The following ARHGEF12 variants were observed in gnomAD, a reference collection of about 807,000 sequenced individuals.
ARHGEF12 encodes the protein Rho guanine nucleotide exchange factor 12, also known as KMT2A/ARHGEF12 fusion protein.
In ARHGEF12, 66 loss-of-function variants were observed where a neutral mutation model predicts 211.2. The observed-to-expected ratio is 0.31, with a 90% CI of 0.26 to 0.38. The LOEUF is 0.38. Among genes scored for constraint, ARHGEF12 ranks in the 10% least tolerant of loss-of-function variants. The pLI is 1.00. For missense variants in ARHGEF12, 1,429 were observed against 1,869.5 expected (o/e 0.76, Z 4.34); for synonymous variants, 592 against 638.4 (o/e 0.93, Z 1.09).
At chr11:120,391,283 G>A (rs751034660) in intron 1 of ARHGEF12, among the ~76,000 whole-genome samples, 3 of 152,096 alleles carry the variant, frequency 2.0e-5, no homozygotes, top group Non-Finnish European at 4.4e-5. Flanking sequence ...TTTCTAATAA[G>A]AATTAAGAAA....
chr11:120,446,458 T>A lies in ARHGEF12; in HGVS notation c.1401T>A (p.Thr467=), dbSNP rs1346404173. The change falls in exon 17 of 41, where the codon ACT becomes ACA. Residue 467 remains threonine, a synonymous_variant. Coordinates refer to ENST00000397843, the MANE Select transcript of ARHGEF12 (RefSeq NM_015313.3). ...PEDLHRHYIQ[T]MQERVHPEVQ... is the part of the protein sequence containing the mutation. ...ATCTGCATCGCCACTATATCCAAAC[T>A]ATGCAAGAAAGAGTCCATCCAGAAG... 6.2e-7 allele frequency: 1 copy of A among 1,613,462 alleles called. No individual in the cohort carries two copies. Among genetic ancestry groups the A allele is most frequent in the African/African-American group, 1.3e-5 (1 of 74,998 alleles).
chr11:120,451,359 A>T, intron 21 of ARHGEF12, 153 bp from the exon 22 acceptor site: 1 of 612,854 alleles, frequency 1.6e-6, no homozygotes. Flanking sequence ...TTGTATTTTT[A>T]ATAGAGACGG....
At chr11:120,484,616 T>C (rs951820724) in intron 40 of ARHGEF12, 109 bp downstream of exon 40, 1 of 1,010,018 alleles carries the variant, frequency 9.9e-7, no homozygotes, top group Non-Finnish European at 1.5e-6. Context: ...TTCTCTTCTG[T>C]CTTTAAAGAA....
chr11:120,383,596 G>A (rs1316090098), intron 1 of ARHGEF12, among the ~76,000 whole-genome samples: 2 of 152,106 alleles, frequency 1.3e-5, no homozygotes, highest in Non-Finnish European at 2.9e-5. Flanking sequence ...CCTCTCATGT[G>A]CAGTTCGCTA....
At chr11:120,424,306 C>G (rs1282009935) in intron 6 of ARHGEF12, 52 bp from the exon 7 acceptor site, 5 of 1,270,924 alleles carry the variant, frequency 3.9e-6, no homozygotes, top group Non-Finnish European at 5.7e-6. Flanking sequence ...GTCATTTTAT[C>G]CATTGTCTCA....
At chr11:120,448,370 A>G in intron 20 of ARHGEF12, 22 bp downstream of exon 20, 3 of 1,580,184 alleles carry the variant, frequency 1.9e-6, no homozygotes, top group Non-Finnish European at 2.6e-6. Flanking sequence ...ATAATGTAAT[A>G]GCATGTTCAG....
intron 39 of ARHGEF12, among the ~76,000 whole-genome samples, chr11:120,483,872 C>G (rs1947327936): frequency 6.6e-6 from 1 of 152,180 alleles, no homozygotes. Context: ...CCTCGGCCTC[C>G]CAAAGTGTTG....
At chr11:120,399,348 A>AAAAAAAAAAAAG in intron 1 of ARHGEF12, among the ~76,000 whole-genome samples, 1 of 149,142 alleles carries the variant, frequency 6.7e-6, no homozygotes, top group South Asian at 2.2e-4. Flanking sequence ...AAAAAAAAAA[A>AAAAAAAAAAAAG]AAAGAAAAGA....
rs183105037 is a variant in ARHGEF12, at chr11:120,479,705, G to A, written c.3767-255G>A. 7.2e-4 allele frequency among the ~76,000 whole-genome samples: 110 copies of A among 152,256 alleles called. 1 individual carries two copies. The highest frequency in any genetic ancestry group is 1.2e-3 in the Non-Finnish European group (82 of 68,028). On this transcript the variant is annotated intron_variant, in intron 37 of 40. Transcript: ENST00000397843. ...ATAGTAGTATCTCCCTATTCAGAATGCTTAGATCTTTTCAAGTTTAGTTTA... is the reference window on the plus strand; with the variant it reads ...ATAGTAGTATCTCCCTATTCAGAATACTTAGATCTTTTCAAGTTTAGTTTA...
chr11:120,429,853 C>T, intron 10 of ARHGEF12, 22 bp downstream of exon 10: 1 of 1,581,382 alleles, frequency 6.3e-7, no homozygotes, highest in Non-Finnish European at 8.6e-7. Flanking sequence ...ATTACAAGTG[C>T]TACCCAACTT....
chr11:120,419,314 G>T (rs970454079), intron 4 of ARHGEF12, among the ~76,000 whole-genome samples: 1 of 149,604 alleles, frequency 6.7e-6, no homozygotes, highest in Admixed American at 6.6e-5. Context: ...AGTTTCCTAG[G>T]TTTTTTTTCT....
At chr11:120,341,133 C>T (rs1460876368) in intron 1 of ARHGEF12, among the ~76,000 whole-genome samples, 1 of 152,182 alleles carries the variant, frequency 6.6e-6, no homozygotes, top group African/African-American at 2.4e-5. Flanking sequence ...GATCCCCTCA[C>T]TGCAACCTCC....
chr11:120,345,469 C>G (rs542329223), intron 1 of ARHGEF12, among the ~76,000 whole-genome samples: 1 of 152,018 alleles, frequency 6.6e-6, no homozygotes, highest in Non-Finnish European at 1.5e-5. Flanking sequence ...TTTGGGAGAC[C>G]GAGGTGGGCG....
Position 120,480,218 on chromosome 11 carries a change from G to A in ARHGEF12, c.4025G>A (p.Gly1342Glu). 6.2e-7 allele frequency: 1 copy of A among 1,614,188 alleles called. No homozygotes were observed. Among genetic ancestry groups the A allele is most frequent in the Non-Finnish European group, 8.5e-7 (1 of 1,180,034 alleles). The change falls in exon 38 of 41, where the codon GGA becomes GAA. Residue 1342 changes from glycine (G) to glutamate (E), a missense_variant. This residue lies in a region of ARHGEF12 where 467 missense variants were observed against 468.4 expected (regional missense o/e 1.00). Coordinates refer to ENST00000397843, the MANE Select transcript of ARHGEF12 (RefSeq NM_015313.3). Reference protein sequence around the residue: ...TESFAPRDSVGLAPQDSQASN... With the variant: ...TESFAPRDSVELAPQDSQASN... ...TCTTTTGCTCCACGGGATTCAGTGGGACTGGCACCCCAGGATAGCCAGGCA... is the reference window on the plus strand; with the variant it reads ...TCTTTTGCTCCACGGGATTCAGTGGAACTGGCACCCCAGGATAGCCAGGCA...
intron 1 of ARHGEF12, among the ~76,000 whole-genome samples, chr11:120,345,620 A>G (rs919304823): frequency 2.7e-5 from 4 of 146,102 alleles, no homozygotes; most frequent in African/African-American, 5.0e-5. Flanking sequence ...GGAGAATGGC[A>G]TGAACCCAGG....
rs190466463 is a variant in ARHGEF12, at chr11:120,454,211, A to G, written c.2056+2487A>G. On this transcript the variant is annotated intron_variant, in intron 22 of 40. Transcript: ENST00000397843. ...AAGTCAGCTACTCACTTTCATCATTAAACACGAACATCATTACTCACCCTT... is the reference window on the plus strand; with the variant it reads ...AAGTCAGCTACTCACTTTCATCATTGAACACGAACATCATTACTCACCCTT... Among the ~76,000 whole-genome samples the G allele has an allele frequency of 7.9e-5, 12 of 152,358 alleles. No homozygotes were observed. In the East Asian group the frequency reaches 2.3e-3, roughly 29 times the overall value.
chr11:120,399,321 CAAAAAAAAAAAAAAA>C (rs71050743), intron 1 of ARHGEF12, among the ~76,000 whole-genome samples: 405 of 36,530 alleles, frequency 0.011, 11 homozygotes, highest in Middle Eastern at 0.056. Context: ...ACATTGTCTC[CAAAAAAAAAAAAAAA>C]AAAAAAAAAA....
Position 120,367,353 on chromosome 11 carries a change from C to CTTTTT in ARHGEF12, c.32+30104_32+30108dup, listed in dbSNP as rs1025919456. ...AAAAAATCTGTTAGGATACTTTTTC[C>CTTTTT]TTTTTTTTTTTTTTTTTTTTTTTTT... On this transcript the variant is annotated intron_variant, in intron 1 of 40. Transcript: ENST00000397843. 2.1e-3 allele frequency among the ~76,000 whole-genome samples: 127 copies of CTTTTT among 59,352 alleles called. 25 individuals carry two copies. The highest frequency in any genetic ancestry group is 0.01 in the South Asian group (11 of 1,094). 38.9% of individuals were successfully genotyped at this position (59,352 alleles called of 152,430 possible). A position where few individuals can be genotyped will look rare whatever the true frequency, so the allele number is the denominator to read the frequency against.
intron 21 of ARHGEF12, 23 bp downstream of exon 21, chr11:120,449,237 G>A (rs756405163): frequency 3.8e-6 from 6 of 1,589,010 alleles, no homozygotes; most frequent in South Asian, 1.1e-5. Flanking sequence ...TTGAAGTGCT[G>A]CATTTTCAGT....
Sources: gnomAD v4.1 joint callset for allele counts (sites outside exome capture counted in the v4.1 genomes callset) on GRCh38, gnomAD v4.1.1 for gene constraint, gnomAD v4.1.1 regional missense constraint, MANE v1.5 for transcripts, NCBI Gene and HGNC (gene_info 2026-07-23, HGNC 2026-07-21) for gene names.